ORM1: variants seen among roughly 807,000 people sequenced by gnomAD.
The protein encoded by ORM1 is alpha-1-acid glycoprotein 1.
In ORM1, 13 loss-of-function variants were observed where a neutral mutation model predicts 26.9. That is an observed-to-expected ratio of 0.48 (90% CI 0.31 to 0.77). ORM1 has a LOEUF of 0.77. Among genes scored for constraint, ORM1 ranks in the 30% least tolerant of loss-of-function variants. The pLI, the probability that ORM1 is intolerant of heterozygous loss-of-function variation, is 0.04. For synonymous variants in ORM1, 76 were observed against 102.2 expected, an observed-to-expected ratio of 0.74 and a Z score of 1.55; for missense variants, 189 against 246.8, an observed-to-expected ratio of 0.77 and a Z score of 1.57.
chr9:114,324,224 T>A, intron 3 of ORM1, 136 bp downstream of exon 3: 3 of 854,800 alleles, frequency 3.5e-6, no homozygotes, highest in Non-Finnish European at 5.7e-6. Flanking sequence ...TCTAACGATG[T>A]GCTCAGAAAC....
chr9:114,323,681 T>C lies in ORM1; in HGVS notation c.133T>C (p.Tyr45His), dbSNP rs1829720257. ...TCCCCAGATCACTGGCAAGTGGTTT[T>C]ATATCGCATCGGCCTTTCGAAACGA... ...TLDRITGKWF[Y>H]IASAFRNEEY... is the part of the protein sequence containing the mutation. The change falls in exon 2 of 6, where the codon TAT becomes CAT. Residue 45 changes from tyrosine (Y) to histidine (H), a missense_variant. By Grantham distance (83) the Tyr-to-His change is moderately conservative. Transcript: ENST00000259396. 8 of 1,614,024 alleles carry C rather than the reference T, an allele frequency of 5.0e-6. No homozygotes were observed. In the Middle Eastern group the frequency reaches 9.9e-4, roughly 200 times the overall value.
chr9:114,325,255 G>C, intron 5 of ORM1, 103 bp downstream of exon 5: 3 of 1,091,124 alleles, frequency 2.7e-6, no homozygotes, highest in Non-Finnish European at 2.7e-6. Flanking sequence ...TGCACAGCTA[G>C]GCAGATCTTC....
At position 114,323,246 on chromosome 9, in the gene ORM1, G is replaced by A. The variant is rs17650; in HGVS notation, c.113G>A (p.Arg38Gln). Reference protein sequence around the residue: ...PVPITNATLDRITGKWFYIAS... With the variant: ...PVPITNATLDQITGKWFYIAS... ...CCCATCACCAACGCCACCCTGGACC[G>A]GGTGAGTGCCTGGGCTAGCCCTGTC... is the stretch of plus-strand genomic sequence containing the variant. Residue 38 changes from arginine (R) to glutamine (Q), a missense_variant and splice_region_variant, in exon 1 of 6, where the codon CGG (arginine) becomes CAG (glutamine). Physicochemically the swap from Arg to Gln is conservative, Grantham distance 43. Transcript: ENST00000259396. 0.61 allele frequency: 944,134 copies of A among 1,560,514 alleles called. 280,784 individuals are homozygous for A. The highest frequency in any genetic ancestry group is 0.75 in the East Asian group (31,436 of 41,902).
intron 3 of ORM1, among the ~76,000 whole-genome samples, chr9:114,324,476 G>A (rs1275390689): frequency 6.6e-6 from 1 of 152,178 alleles, no homozygotes; most frequent in Non-Finnish European, 1.5e-5. Flanking sequence ...GCACATGGCA[G>A]GGAGCTGATG....
chr9:114,326,233 T>A lies in ORM1; in HGVS notation c.541-59T>A, dbSNP rs71503593. 1.8e-4 allele frequency: 284 copies of A among 1,594,450 alleles called. 3 individuals are homozygous for A. Among genetic ancestry groups the A allele is most frequent in the Middle Eastern group, 8.0e-4 (4 of 5,006 alleles). On this transcript the variant is annotated intron_variant, in intron 5 of 5. Coordinates refer to ENST00000259396, the MANE Select transcript of ORM1 (RefSeq NM_000607.4). Reference sequence around the variant, plus strand: ...CATTCTGCCCTCTCCCTGGAAGACCTCCCACCCTGTCCCCATGCCTCTGCT... The same window carrying A: ...CATTCTGCCCTCTCCCTGGAAGACCACCCACCCTGTCCCCATGCCTCTGCT...
chr9:114,324,061 C>G lies in ORM1; in HGVS notation c.301C>G (p.Arg101Gly), dbSNP rs369031896. The G allele has an allele frequency of 2.5e-6, 4 of 1,613,880 alleles. No individual in the cohort carries two copies. Among genetic ancestry groups the G allele is most frequent in the Non-Finnish European group, 3.4e-6 (4 of 1,179,996 alleles). Reference sequence around the variant, plus strand: ...TAACACCACCTACCTGAATGTCCAGCGGGAAAATGGGACCATCTCCAGATA... The same window carrying G: ...TAACACCACCTACCTGAATGTCCAGGGGGAAAATGGGACCATCTCCAGATA... Reference protein sequence around the residue: ...IYNTTYLNVQRENGTISRYVG... With the variant: ...IYNTTYLNVQGENGTISRYVG... Residue 101 changes from arginine to glycine, a missense_variant, in exon 3 of 6, where the codon CGG (arginine) becomes GGG (glycine). Arg to Gly is a moderately radical substitution (Grantham distance 125). This residue lies in a region of ORM1 where 163 missense variants were observed against 157.7 expected (regional missense o/e 1.03). Coordinates refer to ENST00000259396, the MANE Select transcript of ORM1 (RefSeq NM_000607.4).
chr9:114,324,218 A>C (rs1350074985), intron 3 of ORM1, 130 bp downstream of exon 3: 1 of 884,458 alleles, frequency 1.1e-6, no homozygotes, highest in African/African-American at 1.7e-5. Flanking sequence ...TTGAGCTCTA[A>C]CGATGTGCTC....
rs1126712 is a variant in ORM1, at chr9:114,324,845, C to A, written c.384C>A (p.Tyr128Ter). 6.2e-7 allele frequency: 1 copy of A among 1,614,220 alleles called. No individual in the cohort carries two copies. Among genetic ancestry groups the A allele is most frequent in the East Asian group, 2.2e-5 (1 of 44,882 alleles). ...HLLILRDTKT[Y>*]MLAFDVNDEK... The stretch of plus-strand genomic sequence containing the variant: ...TGATCCTCAGGGACACCAAGACCTA[C>A]ATGCTTGCTTTTGACGTGAACGATG... Residue 128 changes from tyrosine to a stop codon, truncating the protein, a stop_gained, in exon 4 of 6, where the codon TAC becomes TAA. Transcript: ENST00000259396. LOFTEE classifies it high-confidence loss of function.
intron 1 of ORM1, 181 bp downstream of exon 1, chr9:114,323,428 ACACAGAAGCCT>A (rs1178707251): frequency 1.2e-6 from 1 of 824,834 alleles, no homozygotes; most frequent in Non-Finnish European, 2.1e-6. Context: ...CTGCCTCCAA[ACACAGAAGCCT>A]CACTGCAGAG....
intron 5 of ORM1, among the ~76,000 whole-genome samples, chr9:114,325,676 G>A (rs1381615310): frequency 6.6e-6 from 1 of 152,196 alleles, no homozygotes; most frequent in African/African-American, 2.4e-5. Context: ...TTGCGTTGGT[G>A]TGGCCCTGTG....
At chr9:114,323,931 C>G in intron 2 of ORM1, 87 bp from the exon 3 acceptor site, 1 of 1,598,430 alleles carries the variant, frequency 6.3e-7, no homozygotes, top group Non-Finnish European at 8.6e-7. Flanking sequence ...TTAATCTCCA[C>G]CAGACTCTTG....
intron 5 of ORM1, among the ~76,000 whole-genome samples, chr9:114,325,745 A>C (rs1300914401): frequency 2.0e-5 from 3 of 152,188 alleles, no homozygotes; most frequent in Non-Finnish European, 2.9e-5. Flanking sequence ...AAATATATAC[A>C]TGCAGTACTT....
At chr9:114,324,973 C>A in intron 4 of ORM1, 76 bp downstream of exon 4, 1 of 1,586,748 alleles carries the variant, frequency 6.3e-7, no homozygotes, top group Non-Finnish European at 8.6e-7. Flanking sequence ...TGGGCTGGCC[C>A]CTAGAACCCC....
At chr9:114,323,961 G>A (rs113354603) in intron 2 of ORM1, 57 bp from the exon 3 acceptor site, 100,709 of 1,595,508 alleles carry the variant, frequency 0.063, 33 homozygotes, top group Middle Eastern at 0.094. Context: ...TGTGATGGGC[G>A]ATTGGCCACT....
chr9:114,325,026 C>G lies in ORM1; in HGVS notation c.437-23C>G, dbSNP rs775082976. 39 of 1,610,500 alleles carry G rather than the reference C, an allele frequency of 2.4e-5. No individual in the cohort carries two copies. In the East Asian group the frequency reaches 8.5e-4, roughly 35 times the overall value. On this transcript the variant is annotated intron_variant, in intron 4 of 5. Transcript: ENST00000259396. ...CGCCGGGCCCCACCATGTCCCCAGT[C>G]AGTCTCCTTGCTCCCCCTGCAGCTG...
chr9:114,324,305 G>A (rs1053093856), intron 3 of ORM1, among the ~76,000 whole-genome samples: 2 of 152,144 alleles, frequency 1.3e-5, no homozygotes, highest in African/African-American at 4.8e-5. Context: ...GTTTCCCCAA[G>A]GTCACACAGC....
intron 5 of ORM1, among the ~76,000 whole-genome samples, chr9:114,325,567 G>A (rs1829756798): frequency 6.6e-6 from 1 of 151,992 alleles, no homozygotes; most frequent in Non-Finnish European, 1.5e-5. Flanking sequence ...CACCCACACT[G>A]CAGCACGGCC....
chr9:114,323,874 T>C (rs1226482215), intron 2 of ORM1, 69 bp downstream of exon 2: 1 of 1,608,908 alleles, frequency 6.2e-7, no homozygotes, highest in African/African-American at 1.3e-5. Context: ...AGTCCCTCCT[T>C]CTTCCTGGCC....
At position 114,324,010 on chromosome 9, in the gene ORM1, G is replaced by T. The variant is rs1829727310; in HGVS notation, c.258-8G>T. 3 of 1,613,894 alleles carry T rather than the reference G, an allele frequency of 1.9e-6. No homozygotes were observed. The highest frequency in any genetic ancestry group is 1.6e-4 in the Middle Eastern group (1 of 6,062). On this transcript the variant is annotated splice_polypyrimidine_tract_variant and splice_region_variant and intron_variant, in intron 2 of 5. Transcript: ENST00000259396. ...CCTGTTTTCCTTCCGCCTTCTGTTT[G>T]GCTTTAGACAGGACCAGTGCATCTA...
Sources: gnomAD v4.1 joint callset for allele counts (sites outside exome capture counted in the v4.1 genomes callset) on GRCh38, gnomAD v4.1.1 for gene constraint, gnomAD v4.1.1 regional missense constraint, MANE v1.5 for transcripts, NCBI Gene and HGNC (gene_info 2026-07-23, HGNC 2026-07-21) for gene names.